Variants in CNTNAP2 observed in about 807,000 individuals in gnomAD.
CNTNAP2 encodes the protein contactin associated protein 2.
A neutral mutation model predicts 155.2 loss-of-function variants in CNTNAP2; 98 were observed. The ratio of observed to expected loss-of-function variants is 0.63; its 90% CI spans 0.54 to 0.75. The LOEUF (loss-of-function observed/expected upper bound fraction) is 0.75. Ranked by LOEUF, CNTNAP2 falls within the 30% of genes least tolerant of loss-of-function variation. CNTNAP2 has a pLI of 0.00. For synonymous variants in CNTNAP2, 651 were observed against 631.2 expected, an observed-to-expected ratio of 1.03 and a Z score of -0.47; for missense variants, 1,727 against 1,688.1, an observed-to-expected ratio of 1.02 and a Z score of -0.40.
chr7:146,944,980 CT>C lies in CNTNAP2; in HGVS notation c.403-98923del, dbSNP rs528104351. Reference sequence around the variant, plus strand: ...GGGTTATGAATGATTTATGTTCTGTCTTTTCTGTTGGCATTTCTTTTTATAT... The same window carrying C: ...GGGTTATGAATGATTTATGTTCTGTCTTTCTGTTGGCATTTCTTTTTATAT... On this transcript the variant is annotated intron_variant, in intron 3 of 23. Transcript: ENST00000361727. Among the ~76,000 whole-genome samples the C allele has an allele frequency of 2.2e-3, 328 of 151,948 alleles. 2 individuals carry two copies. The highest frequency in any genetic ancestry group is 7.3e-3 in the African/African-American group (302 of 41,516).
At position 147,838,113 on chromosome 7, in the gene CNTNAP2, C is replaced by A. The variant is rs534837664; in HGVS notation, c.2099-65452C>A. ...GCTGCCAGGACTTGGGGCTTGCACC[C>A]TCTGAAACCATTGTCCAACCTGTAC... is the stretch of plus-strand genomic sequence containing the variant. On this transcript the variant is annotated intron_variant, in intron 13 of 23. Coordinates refer to ENST00000361727, the MANE Select transcript of CNTNAP2 (RefSeq NM_014141.6). Among the ~76,000 whole-genome samples, 12 of 152,308 alleles carry A rather than the reference C, an allele frequency of 7.9e-5. No homozygotes were observed. The East Asian group carries it at 2.3e-3, about 29-fold the overall frequency.
At chr7:148,125,843 A>G (rs1804707782) in intron 16 of CNTNAP2, among the ~76,000 whole-genome samples, 1 of 151,888 alleles carries the variant, frequency 6.6e-6, no homozygotes, top group Non-Finnish European at 1.5e-5. Flanking sequence ...CTGGGATCAC[A>G]GACATGTGCC....
chr7:146,410,924 G>A (rs760825387), intron 1 of CNTNAP2, among the ~76,000 whole-genome samples: 6 of 152,056 alleles, frequency 3.9e-5, no homozygotes, highest in African/African-American at 1.2e-4. Flanking sequence ...GTTTATCCAC[G>A]TGTTTGCAAA....
At chr7:146,234,502 A>C (rs1331915620) in intron 1 of CNTNAP2, among the ~76,000 whole-genome samples, 1 of 151,516 alleles carries the variant, frequency 6.6e-6, no homozygotes, top group African/African-American at 2.4e-5. Context: ...TTTTGTTGCC[A>C]TTGCTTTTGG....
At chr7:147,321,577 G>C (rs1795351560) in intron 9 of CNTNAP2, among the ~76,000 whole-genome samples, 1 of 152,114 alleles carries the variant, frequency 6.6e-6, no homozygotes, top group African/African-American at 2.4e-5. Context: ...GTGAGTTCTA[G>C]ACTAACTTCA....
chr7:146,246,273 G>C (rs1028843368), intron 1 of CNTNAP2, among the ~76,000 whole-genome samples: 18 of 150,868 alleles, frequency 1.2e-4, no homozygotes, highest in Admixed American at 1.1e-3. Context: ...GGAGGCTTTG[G>C]ATTGGGAAGA....
chr7:147,110,248 A>G (rs183954580), intron 5 of CNTNAP2, among the ~76,000 whole-genome samples: 48 of 152,264 alleles, frequency 3.2e-4, no homozygotes, highest in East Asian at 1.2e-3. Context: ...GACAAGACCA[A>G]TGTATGTTTG....
chr7:147,601,679 A>G (rs911099309), intron 12 of CNTNAP2, among the ~76,000 whole-genome samples: 1 of 146,512 alleles, frequency 6.8e-6, no homozygotes, highest in South Asian at 2.1e-4. Context: ...ATATATACAC[A>G]CCATCATAGT....
At chr7:146,932,270 G>A (rs1796779806) in intron 3 of CNTNAP2, among the ~76,000 whole-genome samples, 1 of 152,114 alleles carries the variant, frequency 6.6e-6, no homozygotes, top group African/African-American at 2.4e-5. Flanking sequence ...TGGGATGCAA[G>A]GCTGGTTCAA....
At chr7:146,772,633 C>T (rs1361760681) in intron 1 of CNTNAP2, among the ~76,000 whole-genome samples, 1 of 152,014 alleles carries the variant, frequency 6.6e-6, no homozygotes, top group East Asian at 1.9e-4. Flanking sequence ...GGCGCCACTG[C>T]ACTCCAGCCT....
At chr7:147,120,630 T>G (rs1429666033) in intron 5 of CNTNAP2, among the ~76,000 whole-genome samples, 2 of 152,096 alleles carry the variant, frequency 1.3e-5, no homozygotes, top group Non-Finnish European at 2.9e-5. Context: ...TTTTTCTTTT[T>G]TTTCATTTAT....
intron 8 of CNTNAP2, among the ~76,000 whole-genome samples, chr7:147,279,917 G>C (rs1252917797): frequency 6.6e-6 from 1 of 151,890 alleles, no homozygotes; most frequent in Non-Finnish European, 1.5e-5. Context: ...AGATCTGTCA[G>C]ATAGGTGGAC....
chr7:148,291,323 A>C (rs890812269), intron 21 of CNTNAP2, among the ~76,000 whole-genome samples: 3 of 150,314 alleles, frequency 2.0e-5, no homozygotes, highest in African/African-American at 7.3e-5. Flanking sequence ...AAAATATGGA[A>C]TTTATTATTA....
intron 16 of CNTNAP2, among the ~76,000 whole-genome samples, chr7:148,131,255 C>A (rs765247574): frequency 6.6e-6 from 1 of 151,926 alleles, no homozygotes; most frequent in African/African-American, 2.4e-5. Context: ...CACGCCACCA[C>A]GCCTCGCTAA....
At chr7:146,508,630 G>A (rs1014150029) in intron 1 of CNTNAP2, among the ~76,000 whole-genome samples, 1 of 152,138 alleles carries the variant, frequency 6.6e-6, no homozygotes. Context: ...CCCCCAAGCT[G>A]GGCACCTTGA....
At chr7:147,946,264 C>G (rs575595457) in intron 14 of CNTNAP2, among the ~76,000 whole-genome samples, 2 of 152,224 alleles carry the variant, frequency 1.3e-5, no homozygotes, top group Admixed American at 6.5e-5. Flanking sequence ...GGGAGAGCAG[C>G]AGGTAGACAT....
intron 1 of CNTNAP2, among the ~76,000 whole-genome samples, chr7:146,599,783 T>TAGATAGAG (rs1554454027): frequency 2.0e-5 from 3 of 151,888 alleles, no homozygotes; most frequent in Admixed American, 2.0e-4. Context: ...GATAGATAGA[T>TAGATAGAG]CTCTAGTTTT....
At chr7:147,518,312 GA>G (rs550541427) in intron 11 of CNTNAP2, among the ~76,000 whole-genome samples, 7 of 151,730 alleles carry the variant, frequency 4.6e-5, no homozygotes, top group East Asian at 1.9e-4. Flanking sequence ...AAATTAAGTA[GA>G]AAAAAAAGGA....
chr7:147,716,695 G>A (rs757860701), intron 13 of CNTNAP2, among the ~76,000 whole-genome samples: 11 of 152,220 alleles, frequency 7.2e-5, no homozygotes, highest in Admixed American at 1.3e-4. Context: ...TTTGCAGCTC[G>A]ATTTTTCAGG....
Sources: gnomAD v4.1 joint callset for allele counts (sites outside exome capture counted in the v4.1 genomes callset) on GRCh38, gnomAD v4.1.1 for gene constraint, MANE v1.5 for transcripts, NCBI Gene and HGNC (gene_info 2026-07-23, HGNC 2026-07-21) for gene names.